PCDHGA4: variants seen among roughly 807,000 people sequenced by gnomAD.
PCDHGA4 encodes protocadherin gamma subfamily A, 4.
Under a neutral mutation model 54.6 loss-of-function variants are expected in PCDHGA4, and 38 were observed. That is an observed-to-expected ratio of 0.70 (90% CI 0.54 to 0.91). The LOEUF is 0.91. Among genes scored for constraint, PCDHGA4 ranks in the 40% least tolerant of loss-of-function variants. The pLI, the probability that PCDHGA4 is intolerant of heterozygous loss-of-function variation, is 0.00. For synonymous variants in PCDHGA4, 511 were observed against 512.9 expected (o/e 1.00, Z 0.05); for missense variants, 1,298 against 1,220.9 (o/e 1.06, Z -0.94).
At chr5:141,372,140 A>C in intron 1 of PCDHGA4, 1 of 1,613,766 alleles carries the variant, frequency 6.2e-7, no homozygotes, top group Non-Finnish European at 8.5e-7. Context: ...CGCGCTCTGC[A>C]GAGCCTGGCT....
chr5:141,374,734 C>A, intron 1 of PCDHGA4: 1 of 1,610,164 alleles, frequency 6.2e-7, no homozygotes, highest in East Asian at 2.2e-5. Flanking sequence ...CCATGGATGG[C>A]GGCGACCCTG....
chr5:141,360,965 T>A (rs780001160), intron 1 of PCDHGA4: 1 of 1,613,786 alleles, frequency 6.2e-7, no homozygotes, highest in Admixed American at 1.7e-5. Context: ...AACGCAGAGA[T>A]CACCTACTCC....
chr5:141,450,468 A>G (rs1187171122), intron 1 of PCDHGA4, among the ~76,000 whole-genome samples: 2 of 151,696 alleles, frequency 1.3e-5, no homozygotes, highest in African/African-American at 4.9e-5. Flanking sequence ...TTTTATATAT[A>G]GAGTTTGTTT....
chr5:141,364,913 G>A (rs1337882112), intron 1 of PCDHGA4: 2 of 1,613,990 alleles, frequency 1.2e-6, no homozygotes, highest in South Asian at 2.2e-5. Context: ...TCCGGAGCTG[G>A]TGTTGGAACA....
In PCDHGA4 at chr5:141,432,670, G is replaced by C; in HGVS notation, c.2515-62137G>C. On this transcript the variant is annotated intron_variant, in intron 1 of 3. Transcript: ENST00000571252. The surrounding 1 kb of genome is among the most constrained non-coding windows in gnomAD (Gnocchi z 6.0). ...CGCGAGCCCTGCTGGACAGAGACGCGCTCAAGCAGAGCCTCGTAGTGGCCG... is the reference window on the plus strand; with the variant it reads ...CGCGAGCCCTGCTGGACAGAGACGCCCTCAAGCAGAGCCTCGTAGTGGCCG... 1 of 1,613,868 alleles carries C rather than the reference G, an allele frequency of 6.2e-7. No homozygotes were observed. The highest frequency in any genetic ancestry group is 8.5e-7 in the Non-Finnish European group (1 of 1,179,940).
chr5:141,410,023 C>T (rs1172248089), intron 1 of PCDHGA4: 1 of 1,613,310 alleles, frequency 6.2e-7, no homozygotes, highest in South Asian at 1.1e-5. Flanking sequence ...TGTCCTACCA[C>T]GTGCTGCAGG....
chr5:141,379,520 C>T (rs1262594059), intron 1 of PCDHGA4: 1 of 152,194 alleles, frequency 6.6e-6, no homozygotes, highest in East Asian at 1.9e-4. Context: ...ACATCTTGAG[C>T]ATTTGTTGTT....
chr5:141,356,408 GGTTGTT>G lies in PCDHGA4; in HGVS notation c.1303_1308del (p.Leu435_Leu436del). On this transcript the variant is annotated inframe_deletion, in exon 1 of 4. Transcript: ENST00000571252. The stretch of plus-strand genomic sequence containing the variant: ...GAAAAGACCTATGGAAATTATTATC[GGTTGTT>G]GACACACAGAACACTGGACAGGGAA... 3.8e-6 allele frequency: 6 copies of G among 1,595,544 alleles called. No individual in the cohort carries two copies. Among genetic ancestry groups the G allele is most frequent in the Non-Finnish European group, 5.1e-6 (6 of 1,170,050 alleles).
At chr5:141,358,794 G>T (rs1283830662) in intron 1 of PCDHGA4, among the ~76,000 whole-genome samples, 120 of 152,324 alleles carry the variant, frequency 7.9e-4, no homozygotes, top group Non-Finnish European at 4.4e-5. Context: ...CTTGGGTTCT[G>T]GACTGATATG....
At chr5:141,434,240 T>A (rs979144259) in intron 1 of PCDHGA4, among the ~76,000 whole-genome samples, 1 of 152,336 alleles carries the variant, frequency 6.6e-6, no homozygotes, top group East Asian at 1.9e-4. Flanking sequence ...CTGGACTAGA[T>A]GACTTGGGCA....
intron 1 of PCDHGA4, chr5:141,433,145 G>C (rs2097571427): frequency 6.2e-7 from 1 of 1,613,922 alleles, no homozygotes; most frequent in Non-Finnish European, 8.5e-7. Flanking sequence ...GCTGTCAGGT[G>C]ATTCGGTATT....
chr5:141,414,253 G>A (rs768166537), intron 1 of PCDHGA4: 1 of 1,613,492 alleles, frequency 6.2e-7, no homozygotes, highest in Non-Finnish European at 8.5e-7. Flanking sequence ...ATTTAGTCCA[G>A]TGACTGAAGA....
At chr5:141,403,699 TAA>T in intron 1 of PCDHGA4, 1 of 1,613,934 alleles carries the variant, frequency 6.2e-7, no homozygotes, top group East Asian at 2.2e-5. Context: ...TTTACCGAGT[TAA>T]AGTCCTTGAG....
In PCDHGA4 at chr5:141,421,516, T is replaced by G. The variant is rs199973694; in HGVS notation, c.2514+63895T>G. On this transcript the variant is annotated intron_variant, in intron 1 of 3. Transcript: ENST00000571252. Reference sequence around the variant, plus strand: ...AGGCAGGATAGACCGGGAGGAGCTCTGTGAGACGGTGTCCTCCTGTTTTTT... The same window carrying G: ...AGGCAGGATAGACCGGGAGGAGCTCGGTGAGACGGTGTCCTCCTGTTTTTT... 1.4e-5 allele frequency: 22 copies of G among 1,614,064 alleles called. No homozygotes were observed. The East Asian group carries it at 4.9e-4, about 36-fold the overall frequency.
At position 141,431,942 on chromosome 5, in the gene PCDHGA4, G is replaced by A. The variant is rs1284808063; in HGVS notation, c.2515-62865G>A. 6.2e-7 allele frequency: 1 copy of A among 1,614,116 alleles called. No homozygotes were observed. The highest frequency in any genetic ancestry group is 2.2e-5 in the East Asian group (1 of 44,884). ...CCAAGGAAATCTGCCCTTTAAATTA[G>A]AAAAATCTTACGGAAATTACTATAG... On this transcript the variant is annotated intron_variant, in intron 1 of 3. Transcript: ENST00000571252. The surrounding 1 kb of genome is among the most constrained non-coding windows in gnomAD (Gnocchi z 4.8).
At chr5:141,422,812 T>A in intron 1 of PCDHGA4, 1 of 1,614,206 alleles carries the variant, frequency 6.2e-7, no homozygotes, top group Non-Finnish European at 8.5e-7. Context: ...GTTTCGAGAC[T>A]TAGAACTGAG....
In PCDHGA4 at chr5:141,360,370, C is replaced by T. The variant is rs115198789; in HGVS notation, c.2514+2749C>T. 18 of 1,613,810 alleles carry T rather than the reference C, an allele frequency of 1.1e-5. No homozygotes were observed. The highest frequency in any genetic ancestry group is 1.4e-5 in the Non-Finnish European group (17 of 1,179,800). On this transcript the variant is annotated intron_variant, in intron 1 of 3. Coordinates refer to ENST00000571252, the MANE Select transcript of PCDHGA4 (RefSeq NM_018917.4). ...GGAGAAGGAATATTTCACAGTAAAC[C>T]CAGAAAGCGGAGACTTACTTGTGAG...
At chr5:141,394,850 G>GC in intron 1 of PCDHGA4, 1 of 1,613,820 alleles carries the variant, frequency 6.2e-7, no homozygotes. Flanking sequence ...GCAGTCTGAA[G>GC]CCTTCGGTCG....
At chr5:141,428,020 C>A (rs1443722620) in intron 1 of PCDHGA4, 1 of 1,605,408 alleles carries the variant, frequency 6.2e-7, no homozygotes, top group Admixed American at 1.7e-5. Context: ...GTGCCACGCG[C>A]CGCAGAGTCC....
Sources: allele counts gnomAD v4.1 joint callset (sites outside exome capture counted in the v4.1 genomes callset), GRCh38; gene constraint gnomAD v4.1.1; non-coding constraint Gnocchi (gnomAD v3.1); transcripts MANE v1.5; gene names NCBI Gene and HGNC (gene_info 2026-07-23, HGNC 2026-07-21).